The following KDM2A variants were observed in gnomAD, a reference collection of about 807,000 sequenced individuals.
KDM2A encodes lysine demethylase 2A, also known as lysine-specific demethylase 2A.
In KDM2A, 3 loss-of-function variants were observed where a neutral mutation model predicts 137.3. The ratio of observed to expected loss-of-function variants is 0.02; its 90% CI spans 0.01 to 0.06. The LOEUF (loss-of-function observed/expected upper bound fraction) is 0.06. Ranked by LOEUF, KDM2A falls within the 10% of genes least tolerant of loss-of-function variation. The pLI, the probability that KDM2A is intolerant of heterozygous loss-of-function variation, is 1.00. For synonymous variants in KDM2A, 512 were observed against 541.5 expected (o/e 0.95, Z 0.76); for missense variants, 738 against 1,510.6 (o/e 0.49, Z 8.48).
intron 2 of KDM2A, among the ~76,000 whole-genome samples, chr11:67,174,024 A>G (rs995432727): frequency 5.3e-5 from 8 of 152,180 alleles, no homozygotes; most frequent in African/African-American, 1.9e-4. Flanking sequence ...TTGGGAGGCC[A>G]CGGCAGGCAA....
chr11:67,221,823 T>A (rs943050008), intron 10 of KDM2A, among the ~76,000 whole-genome samples: 2 of 151,938 alleles, frequency 1.3e-5, no homozygotes, highest in African/African-American at 4.8e-5. Context: ...TAATCCTAGC[T>A]ACTGGGGAGG....
chr11:67,221,059 G>A (rs925351307), intron 10 of KDM2A, among the ~76,000 whole-genome samples: 1 of 151,708 alleles, frequency 6.6e-6, no homozygotes, highest in Non-Finnish European at 1.5e-5. Flanking sequence ...TAGTTCACAG[G>A]AATCATAAAA....
intron 6 of KDM2A, among the ~76,000 whole-genome samples, chr11:67,209,353 G>A (rs1456536146): frequency 6.6e-6 from 1 of 151,984 alleles, no homozygotes; most frequent in Non-Finnish European, 1.5e-5. Flanking sequence ...TAGGAATTTA[G>A]TGAGAGGGAT....
At chr11:67,152,848 A>G (rs1289715744) in intron 2 of KDM2A, among the ~76,000 whole-genome samples, 1 of 151,392 alleles carries the variant, frequency 6.6e-6, no homozygotes, top group Non-Finnish European at 1.5e-5. Context: ...TTTTGCTAGC[A>G]AAACAAAAGC....
At chr11:67,127,618 A>G (rs1023133727) in intron 2 of KDM2A, among the ~76,000 whole-genome samples, 2 of 152,222 alleles carry the variant, frequency 1.3e-5, no homozygotes, top group African/African-American at 2.4e-5. Context: ...AACTCTGGCA[A>G]TAGTCCCACC....
At chr11:67,157,383 G>A (rs1856542002) in intron 2 of KDM2A, among the ~76,000 whole-genome samples, 1 of 151,050 alleles carries the variant, frequency 6.6e-6, no homozygotes, top group Non-Finnish European at 1.5e-5. Context: ...GTGTGTGAGT[G>A]TGTGTGATTG....
At chr11:67,239,429 A>G (rs960759410) in intron 12 of KDM2A, among the ~76,000 whole-genome samples, 1 of 152,186 alleles carries the variant, frequency 6.6e-6, no homozygotes, top group African/African-American at 2.4e-5. Flanking sequence ...ATTTTATTGA[A>G]TATCTCAATA....
intron 2 of KDM2A, chr11:67,149,063 A>T (rs983008781): frequency 4.6e-5 from 7 of 152,306 alleles, no homozygotes; most frequent in Non-Finnish European, 7.4e-5. Flanking sequence ...AGATGGTGGC[A>T]GATGAAAAAG....
chr11:67,237,765 T>C (rs1858912986), intron 12 of KDM2A, among the ~76,000 whole-genome samples: 1 of 151,890 alleles, frequency 6.6e-6, no homozygotes, highest in South Asian at 2.1e-4. Context: ...CTGGGCAACA[T>C]AGTGAGACTC....
At chr11:67,169,152 C>G (rs1278386932) in intron 2 of KDM2A, among the ~76,000 whole-genome samples, 1 of 151,704 alleles carries the variant, frequency 6.6e-6, no homozygotes, top group East Asian at 1.9e-4. Context: ...GATGGGGTTT[C>G]AACATCTTGG....
chr11:67,139,330 C>T (rs572608306), intron 2 of KDM2A, among the ~76,000 whole-genome samples: 7 of 152,018 alleles, frequency 4.6e-5, no homozygotes, highest in Admixed American at 3.3e-4. Flanking sequence ...TTGCAACCTC[C>T]GCCTCCCAGG....
Position 67,255,546 on chromosome 11 carries a change from A to G in KDM2A, c.*491A>G, listed in dbSNP as rs1014076554. ...TCTCCCGGCTTGCGCAGGAGGGGCC[A>G]GCAGCCCCAGGAGTCCCAGACCCGT... On this transcript the variant is annotated 3_prime_UTR_variant, in exon 21 of 21. Transcript: ENST00000529006. 1.3e-5 allele frequency: 6 copies of G among 456,716 alleles called. No homozygotes were observed. The highest frequency in any genetic ancestry group is 6.9e-5 in the East Asian group (1 of 14,394). 28.3% of individuals were successfully genotyped at this position (456,716 alleles called of 1,614,324 possible).
chr11:67,139,159 C>G (rs556675310), intron 2 of KDM2A, among the ~76,000 whole-genome samples: 1 of 151,952 alleles, frequency 6.6e-6, no homozygotes, highest in African/African-American at 2.4e-5. Flanking sequence ...TACGCCCTTC[C>G]TGGTGACACC....
intron 2 of KDM2A, among the ~76,000 whole-genome samples, chr11:67,131,776 T>A (rs1346728571): frequency 6.6e-6 from 1 of 152,154 alleles, no homozygotes; most frequent in Non-Finnish European, 1.5e-5. Context: ...CTATAAATAT[T>A]TGATAGCCAG....
At chr11:67,186,526 A>C (rs1038721087) in intron 5 of KDM2A, among the ~76,000 whole-genome samples, 1 of 152,238 alleles carries the variant, frequency 6.6e-6, no homozygotes, top group East Asian at 1.9e-4. Flanking sequence ...TGCAAGGTGA[A>C]ATGAAAGGAC....
intron 5 of KDM2A, among the ~76,000 whole-genome samples, chr11:67,186,143 A>G (rs778564648): frequency 4.6e-5 from 7 of 152,168 alleles, no homozygotes; most frequent in South Asian, 2.1e-4. Context: ...TAAACATCCA[A>G]ACAGCTCAAT....
chr11:67,178,555 C>G (rs979830905), intron 2 of KDM2A, among the ~76,000 whole-genome samples: 1 of 152,120 alleles, frequency 6.6e-6, no homozygotes, highest in African/African-American at 2.4e-5. Context: ...TCTTCATTTT[C>G]TCTAGCCCCT....
rs764371939 is a variant in KDM2A at position 67,173,227 on chromosome 11, A to G, written c.43-6852A>G. Among the ~76,000 whole-genome samples the G allele has an allele frequency of 6.6e-5, 10 of 152,296 alleles. No individual in the cohort carries two copies. In the East Asian group the frequency reaches 9.6e-4, roughly 15 times the overall value. ...AACCTCTGCCTCGCGGGTTCAAGCAATTCTCCTGCCTCAGCCTCCCAAGTA... is the reference window on the plus strand; with the variant it reads ...AACCTCTGCCTCGCGGGTTCAAGCAGTTCTCCTGCCTCAGCCTCCCAAGTA... On this transcript the variant is annotated intron_variant, in intron 2 of 20. Coordinates refer to ENST00000529006, the MANE Select transcript of KDM2A (RefSeq NM_012308.3).
chr11:67,144,156 G>T (rs1003662521), intron 2 of KDM2A, among the ~76,000 whole-genome samples: 1 of 151,722 alleles, frequency 6.6e-6, no homozygotes, highest in African/African-American at 2.4e-5. Context: ...TGTTGCCCAG[G>T]CTGGTCTCAA....
Sources: allele counts gnomAD v4.1 joint callset (sites outside exome capture counted in the v4.1 genomes callset), GRCh38; gene constraint gnomAD v4.1.1; transcripts MANE v1.5; gene names NCBI Gene and HGNC (gene_info 2026-07-23, HGNC 2026-07-21).